The following NKAIN2 variants were observed in gnomAD, a reference collection of about 807,000 sequenced individuals.
NKAIN2 encodes sodium/potassium-transporting ATPase subunit beta-1-interacting protein 2.
NKAIN2 carries 14 observed loss-of-function variants against 32.6 expected under a neutral mutation model. The observed-to-expected ratio is 0.43, with a 90% CI of 0.28 to 0.67. NKAIN2 has a LOEUF of 0.67. Among genes scored for constraint, NKAIN2 ranks in the 30% least tolerant of loss-of-function variants. The pLI is 0.17. For synonymous variants in NKAIN2, 80 were observed against 87.2 expected, an observed-to-expected ratio of 0.92 and a Z score of 0.46; for missense variants, 198 against 258.3, an observed-to-expected ratio of 0.77 and a Z score of 1.60.
In NKAIN2 at chr6:124,823,537, G is replaced by A. The variant is rs1400084624; in HGVS notation, c.*308G>A. On this transcript the variant is annotated 3_prime_UTR_variant, in exon 7 of 7. Coordinates refer to ENST00000368417, the MANE Select transcript of NKAIN2 (RefSeq NM_001040214.3). The stretch of plus-strand genomic sequence containing the variant: ...CTTCGGAAAGTTCAGAAGGAGATGT[G>A]TTGATGCCCAACGGTTGCCGGCCAT... 57 of 346,048 alleles carry A rather than the reference G, an allele frequency of 1.6e-4. No individual in the cohort carries two copies. The East Asian group carries it at 2.8e-3, about 17-fold the overall frequency. 21.4% of individuals were successfully genotyped at this position (346,048 alleles called of 1,614,324 possible).
chr6:124,048,343 A>T (rs1273994058), intron 1 of NKAIN2, among the ~76,000 whole-genome samples: 6 of 152,176 alleles, frequency 3.9e-5, no homozygotes, highest in South Asian at 2.1e-4. Context: ...ATATGGGTGG[A>T]TAGAAGAACC....
At chr6:124,735,919 A>G (rs1776915584) in intron 4 of NKAIN2, among the ~76,000 whole-genome samples, 1 of 151,928 alleles carries the variant, frequency 6.6e-6, no homozygotes, top group Non-Finnish European at 1.5e-5. Context: ...TAACCCTACA[A>G]TGGCTTCTAA....
At chr6:124,012,265 A>T (rs1252994341) in intron 1 of NKAIN2, among the ~76,000 whole-genome samples, 1 of 151,010 alleles carries the variant, frequency 6.6e-6, no homozygotes, top group Non-Finnish European at 1.5e-5. Flanking sequence ...CTATAGATTG[A>T]TTCCCATTCT....
At chr6:124,057,279 C>T (rs902766763) in intron 1 of NKAIN2, among the ~76,000 whole-genome samples, 4 of 151,974 alleles carry the variant, frequency 2.6e-5, no homozygotes, top group African/African-American at 9.7e-5. Flanking sequence ...CTCATTCATC[C>T]CTCCAACTAC....
rs546089385 is a variant in NKAIN2, at chr6:124,387,268, TA to T, written c.273+31928del. Reference sequence around the variant, plus strand: ...CATGTGTCTTTAGTCTTCTATTCTGTAAAAAAAGTTTGGACCTAATTAAAGG... The same window carrying T: ...CATGTGTCTTTAGTCTTCTATTCTGTAAAAAAGTTTGGACCTAATTAAAGG... On this transcript the variant is annotated intron_variant, in intron 3 of 6. Transcript: ENST00000368417. Among the ~76,000 whole-genome samples, 7 of 148,330 alleles carry T rather than the reference TA, an allele frequency of 4.7e-5. No individual in the cohort carries two copies. In the East Asian group the frequency reaches 1.0e-3, roughly 21 times the overall value.
chr6:123,928,749 T>G (rs1776120994), intron 1 of NKAIN2, among the ~76,000 whole-genome samples: 1 of 152,174 alleles, frequency 6.6e-6, no homozygotes, highest in Non-Finnish European at 1.5e-5. Flanking sequence ...TAATTTCATT[T>G]CTAGTCATAT....
chr6:124,180,205 A>G (rs1430205009), intron 1 of NKAIN2, among the ~76,000 whole-genome samples: 3 of 152,300 alleles, frequency 2.0e-5, no homozygotes, highest in Middle Eastern at 3.4e-3. Context: ...CATGCTGCCA[A>G]TAAAGACTTA....
chr6:124,394,422 T>G (rs1452148684), intron 3 of NKAIN2, among the ~76,000 whole-genome samples: 2 of 151,774 alleles, frequency 1.3e-5, no homozygotes, highest in Non-Finnish European at 1.5e-5. Context: ...GCCCTTGTAT[T>G]AGTCAGGGTT....
At position 123,804,012 on chromosome 6, in the gene NKAIN2, C is replaced by T. The variant is rs1773103144; in HGVS notation, c.-189C>T. On this transcript the variant is annotated 5_prime_UTR_variant, in exon 1 of 7. Coordinates refer to ENST00000368417, the MANE Select transcript of NKAIN2 (RefSeq NM_001040214.3). ...GTGGCGGGCGCGGCTGGAGCTGCCG[C>T]CGCCGCCGCCGCCGCGCCAGCAGGT... is the stretch of plus-strand genomic sequence containing the variant. The T allele has an allele frequency of 1.7e-6, 1 of 602,758 alleles. No homozygotes were observed. Among genetic ancestry groups the T allele is most frequent in the Non-Finnish European group, 3.0e-6 (1 of 338,554 alleles). The allele number at this position is 602,758 out of a possible 1,614,324, so 37.3% of individuals were successfully genotyped here.
chr6:123,960,139 A>G (rs1371504850), intron 1 of NKAIN2, among the ~76,000 whole-genome samples: 1 of 152,174 alleles, frequency 6.6e-6, no homozygotes. Flanking sequence ...AAAATTCTAT[A>G]TTGAATATTG....
At chr6:124,098,720 A>T (rs1335612256) in intron 1 of NKAIN2, among the ~76,000 whole-genome samples, 3 of 152,048 alleles carry the variant, frequency 2.0e-5, no homozygotes, top group Admixed American at 1.3e-4. Flanking sequence ...ATATACAAAA[A>T]TGAGCCAGGA....
chr6:124,401,931 T>A (rs1773643100), intron 3 of NKAIN2, among the ~76,000 whole-genome samples: 1 of 152,194 alleles, frequency 6.6e-6, no homozygotes, highest in Non-Finnish European at 1.5e-5. Flanking sequence ...AAGATTTTAT[T>A]TTTGGATATA....
At chr6:124,421,516 C>T (rs1033685714) in intron 3 of NKAIN2, among the ~76,000 whole-genome samples, 7 of 149,800 alleles carry the variant, frequency 4.7e-5, no homozygotes, top group Non-Finnish European at 8.9e-5. Context: ...ATTACAGTAA[C>T]TCTGACAAGG....
At position 124,030,562 on chromosome 6, in the gene NKAIN2, T is replaced by C. The variant is rs373576990; in HGVS notation, c.54+226308T>C. ...ATGTTATATATTGGATTTCCATGGATGATTTAAAGTATTTACAGTCTTTTC... is the reference window on the plus strand; with the variant it reads ...ATGTTATATATTGGATTTCCATGGACGATTTAAAGTATTTACAGTCTTTTC... On this transcript the variant is annotated intron_variant, in intron 1 of 6. Transcript: ENST00000368417. Among the ~76,000 whole-genome samples the C allele has an allele frequency of 6.6e-5, 10 of 152,332 alleles. No homozygotes were observed. The East Asian group carries it at 1.2e-3, about 18-fold the overall frequency.
At chr6:124,618,343 T>G (rs990399103) in intron 3 of NKAIN2, among the ~76,000 whole-genome samples, 2 of 152,160 alleles carry the variant, frequency 1.3e-5, no homozygotes, top group Non-Finnish European at 2.9e-5. Context: ...CTGGGCATGG[T>G]GGTGGGTGCC....
chr6:124,014,262 G>C (rs1015727743), intron 1 of NKAIN2, among the ~76,000 whole-genome samples: 20 of 152,074 alleles, frequency 1.3e-4, no homozygotes, highest in African/African-American at 4.8e-4. Context: ...CTACCACCTA[G>C]GGATAATGTC....
At chr6:124,675,720 G>C (rs1773325428) in intron 4 of NKAIN2, among the ~76,000 whole-genome samples, 1 of 151,464 alleles carries the variant, frequency 6.6e-6, no homozygotes, top group Admixed American at 6.6e-5. Context: ...CTGATTTTGA[G>C]TCTTCTTTTT....
rs1029294070 is a variant in NKAIN2 at position 124,169,415 on chromosome 6, G to A, written c.55-113590G>A. On this transcript the variant is annotated intron_variant, in intron 1 of 6. Coordinates refer to ENST00000368417, the MANE Select transcript of NKAIN2 (RefSeq NM_001040214.3). ...CATTAAGTATTAAAAATGCCAAGCA[G>A]TGGGATTTGCTACAGTTTCACATTG... 5.3e-5 allele frequency among the ~76,000 whole-genome samples: 8 copies of A among 152,108 alleles called. No individual in the cohort carries two copies. In the East Asian group the frequency reaches 1.5e-3, roughly 29 times the overall value.
intron 1 of NKAIN2, among the ~76,000 whole-genome samples, chr6:124,198,733 G>C (rs923383493): frequency 1.8e-4 from 28 of 151,980 alleles, no homozygotes; most frequent in Non-Finnish European, 2.8e-4. Context: ...TTCTGCTCCT[G>C]CCTGTCTGCT....
Sources: allele counts gnomAD v4.1 joint callset (sites outside exome capture counted in the v4.1 genomes callset), GRCh38; gene constraint gnomAD v4.1.1; transcripts MANE v1.5; gene names NCBI Gene and HGNC (gene_info 2026-07-23, HGNC 2026-07-21).